The following FIG4 variants were observed in gnomAD, a reference collection of about 807,000 sequenced individuals.
FIG4 encodes FIG4 phosphoinositide 5-phosphatase.
Under a neutral mutation model 118.6 loss-of-function variants are expected in FIG4, and 112 were observed. That is an observed-to-expected ratio of 0.94 (90% CI 0.81 to 1.11). The LOEUF (loss-of-function observed/expected upper bound fraction) is 1.11, where lower values mean the gene tolerates loss of function less well. Among genes scored for constraint, FIG4 ranks in the 50% least tolerant of loss-of-function variants. The pLI is 0.00. For synonymous variants in FIG4, 369 were observed against 381.2 expected, an observed-to-expected ratio of 0.97 and a Z score of 0.37; for missense variants, 969 against 1,111.7, an observed-to-expected ratio of 0.87 and a Z score of 1.83.
intron 13 of FIG4, 57 bp from the exon 14 acceptor site, chr6:109,764,956 A>G (rs1777236562): frequency 2.0e-6 from 3 of 1,483,638 alleles, no homozygotes. Context: ...CTAAAGTAGT[A>G]TGGAAGTTCT....
intron 19 of FIG4, 50 bp downstream of exon 19, chr6:109,789,727 G>A (rs1319767863): frequency 3.9e-6 from 5 of 1,284,730 alleles, no homozygotes; most frequent in Non-Finnish European, 4.5e-6. Context: ...TAAAAGAATA[G>A]TACTTGCAAT....
At chr6:109,694,887 T>C (rs1774662410) in intron 1 of FIG4, among the ~76,000 whole-genome samples, 1 of 152,210 alleles carries the variant, frequency 6.6e-6, no homozygotes. Flanking sequence ...CACAGTGAGA[T>C]ATCATGTCAC....
At chr6:109,727,466 C>A (rs1182068768) in intron 4 of FIG4, among the ~76,000 whole-genome samples, 1 of 152,006 alleles carries the variant, frequency 6.6e-6, no homozygotes, top group Non-Finnish European at 1.5e-5. Flanking sequence ...GTAAAAAGAT[C>A]AAATGTTGGC....
intron 22 of FIG4, among the ~76,000 whole-genome samples, chr6:109,815,489 C>T (rs912075414): frequency 8.3e-6 from 1 of 119,958 alleles, no homozygotes; most frequent in African/African-American, 2.9e-5. Context: ...CTCCCCACTC[C>T]AGGCTGCCCC....
chr6:109,813,080 A>G (rs1371612822), intron 22 of FIG4, among the ~76,000 whole-genome samples: 3 of 152,224 alleles, frequency 2.0e-5, no homozygotes, highest in East Asian at 3.8e-4. Context: ...TAGCAGTTTC[A>G]TATAATTCTA....
At chr6:109,730,556 A>G (rs1300571064) in intron 4 of FIG4, among the ~76,000 whole-genome samples, 2 of 152,196 alleles carry the variant, frequency 1.3e-5, no homozygotes, top group Non-Finnish European at 2.9e-5. Flanking sequence ...ATAGTAAATA[A>G]GACTGCTAAG....
chr6:109,795,688 G>A (rs958690846), intron 21 of FIG4, among the ~76,000 whole-genome samples: 3 of 123,934 alleles, frequency 2.4e-5, no homozygotes, highest in Admixed American at 2.1e-4. Context: ...TGCAACCTCC[G>A]CCTCATGGGT....
At chr6:109,737,301 TTGCATATACTATTTAA>T (rs1776187315) in intron 6 of FIG4, among the ~76,000 whole-genome samples, 1 of 152,166 alleles carries the variant, frequency 6.6e-6, no homozygotes, top group East Asian at 1.9e-4. Context: ...GTCAGGTACT[TTGCATATACTATTTAA>T]TCTGAACAAT....
At chr6:109,699,906 G>T (rs1019974825) in intron 1 of FIG4, among the ~76,000 whole-genome samples, 1 of 152,158 alleles carries the variant, frequency 6.6e-6, no homozygotes, top group African/African-American at 2.4e-5. Flanking sequence ...TTGGAGGCTG[G>T]TAAGTCCAAG....
intron 22 of FIG4, among the ~76,000 whole-genome samples, chr6:109,809,594 A>G (rs1778666082): frequency 6.6e-6 from 1 of 152,206 alleles, no homozygotes; most frequent in African/African-American, 2.4e-5. Flanking sequence ...AATATGCATT[A>G]CTAAGGCAAC....
chr6:109,760,372 G>A lies in FIG4; in HGVS notation c.1260G>A (p.Lys420=), dbSNP rs1326610032. The A allele has an allele frequency of 1.9e-6, 3 of 1,613,260 alleles. No homozygotes were observed. Among genetic ancestry groups the A allele is most frequent in the African/African-American group, 2.7e-5 (2 of 74,884 alleles). ...TIVYIPWDMA[K]YTKSKLCNVL... is the part of the protein sequence containing the mutation. ...TTTATATTCCCTGGGACATGGCCAA[G>A]TATACCAAAAGGTGAATGATACTCA... Residue 420 remains lysine (K), a synonymous_variant, in exon 11 of 23, where the codon AAG becomes AAA. Transcript: ENST00000230124.
intron 10 of FIG4, among the ~76,000 whole-genome samples, chr6:109,755,625 A>G (rs927145498): frequency 1.3e-5 from 2 of 152,142 alleles, no homozygotes; most frequent in Non-Finnish European, 2.9e-5. Context: ...GTGCTCCTGT[A>G]TTGGGTGCAT....
At chr6:109,748,063 G>C (rs1368382109) in intron 10 of FIG4, among the ~76,000 whole-genome samples, 1 of 152,068 alleles carries the variant, frequency 6.6e-6, no homozygotes, top group Non-Finnish European at 1.5e-5. Flanking sequence ...TAGGAGGAAT[G>C]GTCATCTGCT....
rs1554300957 is a variant in FIG4, at chr6:109,735,208, C to T, written c.556C>T (p.Leu186=). ...QYNLTVLRMP[L]EMLKSEMTQN... is the part of the protein sequence containing the mutation. ...TAATCTCACTGTCTTGCGAATGCCC[C>T]TGGAGATGTTAAAGTCAGAAATGAC... Residue 186 remains leucine (L), a synonymous_variant, in exon 6 of 23, where the codon CTG becomes TTG. Transcript: ENST00000230124. The T allele has an allele frequency of 1.2e-6, 2 of 1,612,694 alleles. No individual in the cohort carries two copies. Among genetic ancestry groups the T allele is most frequent in the African/African-American group, 2.7e-5 (2 of 74,836 alleles).
At chr6:109,809,289 T>C (rs904932523) in intron 22 of FIG4, among the ~76,000 whole-genome samples, 11 of 152,214 alleles carry the variant, frequency 7.2e-5, no homozygotes, top group African/African-American at 2.7e-4. Context: ...TTAAGCCAGA[T>C]ATAGAAAAGA....
intron 22 of FIG4, among the ~76,000 whole-genome samples, chr6:109,820,694 A>G (rs1055386392): frequency 2.0e-5 from 3 of 152,188 alleles, no homozygotes; most frequent in Non-Finnish European, 4.4e-5. Context: ...GTTCTGGAAG[A>G]AGGCAGCAGC....
chr6:109,772,182 C>T (rs568567797), intron 15 of FIG4, among the ~76,000 whole-genome samples: 1 of 152,306 alleles, frequency 6.6e-6, no homozygotes, highest in South Asian at 2.1e-4. Flanking sequence ...CAGTTGACCA[C>T]TTCCTCTTTC....
rs1221561960 is a variant in FIG4, at chr6:109,825,366, C to A, written c.*101C>A. ...TATTAAAAGTCCTTTGCGTCTGAAGCCTTTCTCCTTTTCTGTCACTTGCAA... is the reference window on the plus strand; with the variant it reads ...TATTAAAAGTCCTTTGCGTCTGAAGACTTTCTCCTTTTCTGTCACTTGCAA... On this transcript the variant is annotated 3_prime_UTR_variant, in exon 23 of 23. Transcript: ENST00000230124. 11 of 1,091,578 alleles carry A rather than the reference C, an allele frequency of 1.0e-5. No individual in the cohort carries two copies. Among genetic ancestry groups the A allele is most frequent in the Non-Finnish European group, 1.5e-5 (11 of 729,430 alleles). 67.6% of individuals were successfully genotyped at this position (1,091,578 alleles called of 1,614,324 possible). A position where few individuals can be genotyped will look rare whatever the true frequency, so the allele number is the denominator to read the frequency against.
At chr6:109,821,392 A>C (rs1779001952) in intron 22 of FIG4, among the ~76,000 whole-genome samples, 1 of 152,256 alleles carries the variant, frequency 6.6e-6, no homozygotes, top group Non-Finnish European at 1.5e-5. Context: ...ATCAAGGGCC[A>C]ATCTCATCAT....
Sources: gnomAD v4.1 joint callset for allele counts (sites outside exome capture counted in the v4.1 genomes callset) on GRCh38, gnomAD v4.1.1 for gene constraint, MANE v1.5 for transcripts, NCBI Gene and HGNC (gene_info 2026-07-23, HGNC 2026-07-21) for gene names.